The following RALY variants were observed in gnomAD, a reference collection of about 807,000 sequenced individuals.
The protein encoded by RALY is RALY heterogeneous nuclear ribonucleoprotein, also known as RNA-binding protein Raly.
In RALY, 15 loss-of-function variants were observed where a neutral mutation model predicts 30.7. The ratio of observed to expected loss-of-function variants is 0.49; its 90% CI spans 0.33 to 0.75. The LOEUF (loss-of-function observed/expected upper bound fraction) is 0.75. Ranked by LOEUF, RALY falls within the 30% of genes least tolerant of loss-of-function variation. The pLI is 0.02. For missense variants in RALY, 339 were observed against 414.3 expected (o/e 0.82, Z 1.58); for synonymous variants, 177 against 170.8 (o/e 1.04, Z -0.28).
At chr20:34,034,206 C>G (rs1007632146) in intron 2 of RALY, among the ~76,000 whole-genome samples, 3 of 152,200 alleles carry the variant, frequency 2.0e-5, no homozygotes, top group African/African-American at 7.2e-5. Context: ...TGTAGCCTCA[C>G]ATTTTATGGA....
chr20:34,012,398 G>A (rs919514353), intron 1 of RALY, among the ~76,000 whole-genome samples: 3 of 152,154 alleles, frequency 2.0e-5, no homozygotes, highest in African/African-American at 7.2e-5. Context: ...GCAAAAAGAA[G>A]CCTCAGGGCC....
chr20:34,052,495 C>A (rs1255774549), intron 2 of RALY, among the ~76,000 whole-genome samples: 1 of 152,186 alleles, frequency 6.6e-6, no homozygotes, highest in Non-Finnish European at 1.5e-5. Context: ...ACTATTGTTC[C>A]TTTTCTAGCC....
At position 34,080,621 on chromosome 20, in the gene RALY, G is replaced by GT. The variant is rs1486275390; in HGVS notation, c.*718dup. The stretch of plus-strand genomic sequence containing the variant: ...GACACTATAATTTTTTCATTTGGAC[G>GT]TTGTCCTCCCACCAGCCTCCCAGTC... On this transcript the variant is annotated 3_prime_UTR_variant, in exon 10 of 10. Transcript: ENST00000246194. 6.6e-6 allele frequency: 1 copy of GT among 152,224 alleles called. No individual in the cohort carries two copies. Among genetic ancestry groups the GT allele is most frequent in the Non-Finnish European group, 1.5e-5 (1 of 68,078 alleles). The allele number at this position is 152,224 out of a possible 1,614,324, so 9.4% of individuals were successfully genotyped here.
chr20:34,050,388 T>C (rs773162003), intron 2 of RALY, among the ~76,000 whole-genome samples: 1 of 152,254 alleles, frequency 6.6e-6, no homozygotes, highest in Non-Finnish European at 1.5e-5. Context: ...AGTGCCTTAC[T>C]TAAGAACAGG....
Position 34,011,122 on chromosome 20 carries a change from A to G in RALY, c.-93+16991A>G, listed in dbSNP as rs992227292. On this transcript the variant is annotated intron_variant, in intron 1 of 9. Transcript: ENST00000246194. ...AAAACATACATCTTCCTGAAGTGTCAGTATACTTATTTTTTCAGAGTTGGA... is the reference window on the plus strand; with the variant it reads ...AAAACATACATCTTCCTGAAGTGTCGGTATACTTATTTTTTCAGAGTTGGA... Among the ~76,000 whole-genome samples the G allele has an allele frequency of 2.0e-5, 3 of 152,168 alleles. No individual in the cohort carries two copies. In the South Asian group the frequency reaches 6.2e-4, roughly 32 times the overall value.
chr20:34,036,704 GT>G (rs1362061076), intron 2 of RALY, among the ~76,000 whole-genome samples: 2 of 152,148 alleles, frequency 1.3e-5, no homozygotes, highest in Admixed American at 1.3e-4. Flanking sequence ...TAATTCAAAT[GT>G]CTTACTTGTT....
rs550622732 is a variant in RALY, at chr20:34,058,059, G to A, written c.-9-14007G>A. ...TTAACCAGTTGCAGTGTAGAAGCTT[G>A]TTTAGTGTAGTGCCTCCTTTTTGAG... On this transcript the variant is annotated intron_variant, in intron 2 of 9. Coordinates refer to ENST00000246194, the MANE Select transcript of RALY (RefSeq NM_016732.3). Among the ~76,000 whole-genome samples the A allele has an allele frequency of 3.3e-5, 5 of 151,982 alleles. No individual in the cohort carries two copies. The South Asian group carries it at 1.0e-3, about 32-fold the overall frequency.
chr20:34,076,806 G>C lies in RALY; in HGVS notation c.649G>C (p.Ala217Pro). The part of the protein sequence containing the change: ...RLEQIAAEQK[A>P]NPDGKKKGDG... ...GGAGCAGATCGCTGCGGAGCAAAAG[G>C]CCAATCCAGGTCAGCCTCTGAGGAT... The change falls in exon 7 of 10, where the codon GCC becomes CCC. Residue 217 changes from alanine (A) to proline (P), a missense_variant. Ala to Pro is a conservative substitution (Grantham distance 27). Around this residue, in one of 2 missense-constraint regions of RALY, gnomAD observed 268 missense variants for 280.6 expected, o/e 0.95. Coordinates refer to ENST00000246194, the MANE Select transcript of RALY (RefSeq NM_016732.3). 3.7e-6 allele frequency: 6 copies of C among 1,613,872 alleles called. No homozygotes were observed. The highest frequency in any genetic ancestry group is 5.1e-6 in the Non-Finnish European group (6 of 1,179,950).
At chr20:34,017,178 A>G (rs570809971) in intron 1 of RALY, among the ~76,000 whole-genome samples, 2 of 138,634 alleles carry the variant, frequency 1.4e-5, no homozygotes, top group African/African-American at 5.5e-5. Context: ...CTTCAGATGG[A>G]AAAATCACTT....
At chr20:34,057,460 G>A (rs1230790360) in intron 2 of RALY, among the ~76,000 whole-genome samples, 1 of 152,190 alleles carries the variant, frequency 6.6e-6, no homozygotes, top group Non-Finnish European at 1.5e-5. Flanking sequence ...GAGGTCAGGA[G>A]ATCGAGACCA....
At position 34,042,800 on chromosome 20, in the gene RALY, C is replaced by G. The variant is rs534067946; in HGVS notation, c.-10+11196C>G. Among the ~76,000 whole-genome samples, 9 of 152,260 alleles carry G rather than the reference C, an allele frequency of 5.9e-5. No individual in the cohort carries two copies. In the South Asian group the frequency reaches 1.9e-3, roughly 32 times the overall value. On this transcript the variant is annotated intron_variant, in intron 2 of 9. Transcript: ENST00000246194. Reference sequence around the variant, plus strand: ...CCTTCTTAGTTTTTTACACATTAACCTCTTACTGCAGAGTTTTAAAACATT... The same window carrying G: ...CCTTCTTAGTTTTTTACACATTAACGTCTTACTGCAGAGTTTTAAAACATT...
At chr20:34,018,501 T>C (rs1341513821) in intron 1 of RALY, among the ~76,000 whole-genome samples, 3 of 152,182 alleles carry the variant, frequency 2.0e-5, no homozygotes, top group Admixed American at 6.5e-5. Context: ...ATTAATGGAA[T>C]CTGTTCAAAA....
chr20:34,045,893 A>G (rs2032864164), intron 2 of RALY, among the ~76,000 whole-genome samples: 1 of 152,160 alleles, frequency 6.6e-6, no homozygotes, highest in South Asian at 2.1e-4. Flanking sequence ...TCTTTTCCCC[A>G]GTTCTCTTGC....
intron 2 of RALY, among the ~76,000 whole-genome samples, chr20:34,067,838 A>G (rs1396738746): frequency 1.6e-5 from 2 of 128,820 alleles, no homozygotes; most frequent in East Asian, 4.5e-4. Context: ...TTTTTGAGAC[A>G]CTGTGCTCTC....
intron 1 of RALY, among the ~76,000 whole-genome samples, chr20:34,000,550 C>T (rs2030866575): frequency 6.6e-6 from 1 of 152,134 alleles, no homozygotes; most frequent in Non-Finnish European, 1.5e-5. Context: ...TAATGGCTTT[C>T]ATGGTAATCA....
chr20:34,046,528 TTCGTAATACTTAA>T (rs1351174561), intron 2 of RALY, among the ~76,000 whole-genome samples: 1 of 152,220 alleles, frequency 6.6e-6, no homozygotes, highest in Non-Finnish European at 1.5e-5. Flanking sequence ...CTTTGCCTTT[TTCGTAATACTTAA>T]TAGGTAACAT....
At chr20:34,076,624 A>C (rs2033885429) in intron 6 of RALY, 78 bp from the exon 7 acceptor site, 1 of 1,263,724 alleles carries the variant, frequency 7.9e-7, no homozygotes, top group Non-Finnish European at 1.1e-6. Context: ...CCTGGTTGAA[A>C]GAACAGGGCT....
chr20:34,051,598 CTT>C (rs904808281), intron 2 of RALY, among the ~76,000 whole-genome samples: 1 of 151,330 alleles, frequency 6.6e-6, no homozygotes, highest in Non-Finnish European at 1.5e-5. Flanking sequence ...AAATTTGATA[CTT>C]TTTTTTTGTT....
At chr20:33,996,962 C>G (rs1474542555) in intron 1 of RALY, among the ~76,000 whole-genome samples, 2 of 152,110 alleles carry the variant, frequency 1.3e-5, no homozygotes, top group Non-Finnish European at 2.9e-5. Flanking sequence ...ATTATTAGTC[C>G]TCACCTGCAG....
Sources: allele counts gnomAD v4.1 joint callset (sites outside exome capture counted in the v4.1 genomes callset), GRCh38; gene constraint gnomAD v4.1.1; regional missense constraint gnomAD v4.1.1; transcripts MANE v1.5; gene names NCBI Gene and HGNC (gene_info 2026-07-23, HGNC 2026-07-21).